The following NUP98 variants were observed in gnomAD, a reference collection of about 807,000 sequenced individuals.
NUP98 encodes the protein nuclear pore complex protein Nup98-Nup96.
NUP98 carries 26 observed loss-of-function variants against 191.9 expected under a neutral mutation model. The observed-to-expected ratio is 0.14, with a 90% CI of 0.10 to 0.19. The LOEUF is 0.19. Ranked by LOEUF, NUP98 falls within the 10% of genes least tolerant of loss-of-function variation. The pLI, the probability that NUP98 is intolerant of heterozygous loss-of-function variation, is 1.00. For synonymous variants in NUP98, 808 were observed against 778.4 expected (o/e 1.04, Z -0.63); for missense variants, 1,941 against 2,178.8 (o/e 0.89, Z 2.17).
intron 12 of NUP98, among the ~76,000 whole-genome samples, chr11:3,742,202 G>A (rs1405364185): frequency 6.6e-6 from 1 of 152,142 alleles, no homozygotes; most frequent in Non-Finnish European, 1.5e-5. Context: ...CAGTTCTATG[G>A]AAGTCAGTAA....
At chr11:3,719,084 C>A (rs1004113973) in intron 18 of NUP98, among the ~76,000 whole-genome samples, 1 of 150,742 alleles carries the variant, frequency 6.6e-6, no homozygotes. Flanking sequence ...CATTCCACTG[C>A]GCTCCAGCCT....
intron 28 of NUP98, among the ~76,000 whole-genome samples, chr11:3,688,915 C>T (rs2078218856): frequency 6.8e-6 from 1 of 147,374 alleles, no homozygotes; most frequent in South Asian, 2.1e-4. Flanking sequence ...AAAACAAAAA[C>T]TGTAAGTATT....
At chr11:3,742,044 T>G (rs886233877) in intron 12 of NUP98, among the ~76,000 whole-genome samples, 3 of 152,224 alleles carry the variant, frequency 2.0e-5, no homozygotes, top group Admixed American at 6.5e-5. Context: ...CAGTTCTCAC[T>G]GAGCAGACTT....
chr11:3,684,149 T>C (rs898267692), intron 29 of NUP98, among the ~76,000 whole-genome samples: 23 of 152,014 alleles, frequency 1.5e-4, no homozygotes, highest in East Asian at 7.8e-4. Context: ...GAGGCAGAAA[T>C]TGCAGTGAGC....
intron 10 of NUP98, among the ~76,000 whole-genome samples, chr11:3,755,298 G>C (rs1258232496): frequency 7.3e-6 from 1 of 136,722 alleles, no homozygotes; most frequent in Non-Finnish European, 1.6e-5. Flanking sequence ...CTACTACCAC[G>C]AAAAAAAAAA....
At chr11:3,769,201 G>C (rs1006379667) in intron 7 of NUP98, among the ~76,000 whole-genome samples, 1 of 152,154 alleles carries the variant, frequency 6.6e-6, no homozygotes, top group African/African-American at 2.4e-5. Flanking sequence ...AAGGCAGGAG[G>C]ATCACTTGAG....
At chr11:3,746,294 A>AAAATG (rs144936005) in intron 11 of NUP98, among the ~76,000 whole-genome samples, 1 of 93,086 alleles carries the variant, frequency 1.1e-5, no homozygotes, top group Non-Finnish European at 2.0e-5. Flanking sequence ...AAAAAAAAAA[A>AAAATG]GACAGCTTTG....
At chr11:3,693,696 G>A (rs2134067503) in intron 26 of NUP98, among the ~76,000 whole-genome samples, 1 of 152,202 alleles carries the variant, frequency 6.6e-6, no homozygotes, top group South Asian at 2.1e-4. Context: ...CCTGGTCCCA[G>A]GATTTAATCA....
rs1353358467 is a variant in NUP98, at chr11:3,746,645, G to A, written c.1268-1996C>T. Among the ~76,000 whole-genome samples the A allele has an allele frequency of 2.0e-5, 3 of 151,704 alleles. 1 individual carries two copies. The highest frequency in any genetic ancestry group is 4.9e-5 in the African/African-American group (2 of 41,106). ...AAGGTACTGTGGGCTGGGCGCGGTG[G>A]CTCACGCCTGTAATCCTAGCACTGT... is the stretch of plus-strand genomic sequence containing the variant. On this transcript the variant is annotated intron_variant, in intron 11 of 32. Transcript: ENST00000324932.
chr11:3,784,357 C>T (rs1220438775), intron 1 of NUP98, among the ~76,000 whole-genome samples: 1 of 152,084 alleles, frequency 6.6e-6, no homozygotes, highest in East Asian at 1.9e-4. Flanking sequence ...TTCTTTATCT[C>T]AATATCCAAA....
chr11:3,789,609 G>A (rs911485035), intron 1 of NUP98, among the ~76,000 whole-genome samples: 2 of 145,960 alleles, frequency 1.4e-5, no homozygotes, highest in Admixed American at 7.1e-5. Flanking sequence ...TGGACCTCCT[G>A]GGTTCAACTG....
intron 12 of NUP98, among the ~76,000 whole-genome samples, chr11:3,739,714 G>A (rs750432435): frequency 1.3e-5 from 2 of 152,060 alleles, no homozygotes; most frequent in Non-Finnish European, 2.9e-5. Context: ...ATGAACACAT[G>A]AGAAAATCTA....
At chr11:3,756,449 C>T (rs1209019303) in intron 10 of NUP98, among the ~76,000 whole-genome samples, 1 of 151,930 alleles carries the variant, frequency 6.6e-6, no homozygotes, top group Non-Finnish European at 1.5e-5. Context: ...TAAATATATT[C>T]GCACACCAAA....
At chr11:3,783,809 G>A (rs1445508556) in intron 1 of NUP98, among the ~76,000 whole-genome samples, 2 of 151,742 alleles carry the variant, frequency 1.3e-5, no homozygotes, top group East Asian at 1.9e-4. Context: ...TTCCAAGAAC[G>A]CCTACACAGA....
chr11:3,699,059 G>A, intron 25 of NUP98, 23 bp downstream of exon 25: 1 of 1,610,010 alleles, frequency 6.2e-7, no homozygotes, highest in African/African-American at 1.3e-5. Context: ...GAGGCGCAGA[G>A]AAGGACCATA....
chr11:3,706,082 T>C (rs1479635006), intron 21 of NUP98, among the ~76,000 whole-genome samples: 1 of 149,788 alleles, frequency 6.7e-6, no homozygotes, highest in East Asian at 2.0e-4. Flanking sequence ...GGCAGGGGAA[T>C]CACTTGAACC....
chr11:3,788,983 T>C (rs889941337), intron 1 of NUP98, among the ~76,000 whole-genome samples: 1 of 152,064 alleles, frequency 6.6e-6, no homozygotes, highest in East Asian at 1.9e-4. Context: ...TCAGTTACCA[T>C]CATTGACTCT....
chr11:3,681,331 G>A (rs564187739), intron 30 of NUP98, among the ~76,000 whole-genome samples: 22 of 152,260 alleles, frequency 1.4e-4, no homozygotes, highest in African/African-American at 4.6e-4. Flanking sequence ...ACGAGCCACC[G>A]TGCCTGGCCT....
intron 6 of NUP98, among the ~76,000 whole-genome samples, chr11:3,772,222 C>T (rs1292122789): frequency 6.6e-6 from 1 of 152,066 alleles, no homozygotes; most frequent in Non-Finnish European, 1.5e-5. Flanking sequence ...AATCCTAACT[C>T]TCCCCAGCCC....
Sources: allele counts gnomAD v4.1 joint callset (sites outside exome capture counted in the v4.1 genomes callset), GRCh38; gene constraint gnomAD v4.1.1; transcripts MANE v1.5; gene names NCBI Gene and HGNC (gene_info 2026-07-23, HGNC 2026-07-21).